MEGF6: variants seen among roughly 807,000 people sequenced by gnomAD.
MEGF6 encodes multiple epidermal growth factor-like domains protein 6.
A neutral mutation model predicts 207.1 loss-of-function variants in MEGF6; 184 were observed. That is an observed-to-expected ratio of 0.89 (90% confidence interval 0.79 to 1.00). The LOEUF (loss-of-function observed/expected upper bound fraction) is 1.00. Ranked by LOEUF, MEGF6 falls within the 50% of genes least tolerant of loss-of-function variation. The pLI is 0.00. For synonymous variants in MEGF6, 1,038 were observed against 910.0 expected, an observed-to-expected ratio of 1.14 and a Z score of -2.53; for missense variants, 2,282 against 2,202.9, an observed-to-expected ratio of 1.04 and a Z score of -0.72.
chr1:3,508,127 A>C (rs999820281), intron 13 of MEGF6, among the ~76,000 whole-genome samples: 1 of 152,030 alleles, frequency 6.6e-6, no homozygotes, highest in Non-Finnish European at 1.5e-5. Context: ...CAGAGAGAGG[A>C]GTCTCCTCCT....
At chr1:3,617,809 A>G in the MEGF6 span, among the ~76,000 whole-genome samples, 1 of 152,182 alleles carries the variant, frequency 6.6e-6, no homozygotes, top group Non-Finnish European at 1.5e-5. Flanking sequence ...AGCCACAGGG[A>G]GAGCGCAGCG....
intron 15 of MEGF6, 46 bp from the exon 16 acceptor site, chr1:3,505,602 C>T (rs1361266368): frequency 4.0e-6 from 6 of 1,492,936 alleles, no homozygotes; most frequent in South Asian, 3.9e-5. Context: ...TGAAGCCCCA[C>T]CCTCCCAGAC....
chr1:3,613,876 C>T (rs780373925), upstream of MEGF6, among the ~76,000 whole-genome samples: 8 of 150,418 alleles, frequency 5.3e-5, no homozygotes, highest in African/African-American at 1.2e-4. Flanking sequence ...CAGGCACTGC[C>T]GCTGTGCTCT....
chr1:3,544,024 C>CT (rs1175385597), intron 4 of MEGF6, among the ~76,000 whole-genome samples: 1 of 152,190 alleles, frequency 6.6e-6, no homozygotes. Context: ...CGGAGCCGCT[C>CT]TATCGCGGGA....
In MEGF6 at chr1:3,508,702, C is replaced by A; in HGVS notation, c.1529-13G>T. 1 of 1,612,272 alleles carries A rather than the reference C, an allele frequency of 6.2e-7. No homozygotes were observed. The highest frequency in any genetic ancestry group is 8.5e-7 in the Non-Finnish European group (1 of 1,179,462). The stretch of plus-strand genomic sequence containing the variant: ...TCATCCAGGCAGACTGGGGGCAGAC[C>A]AGGATGGGGGGATTCAGAGCCTGAC... On this transcript the variant is annotated splice_polypyrimidine_tract_variant and intron_variant, in intron 12 of 36. Transcript: ENST00000356575.
intron 1 of MEGF6, among the ~76,000 whole-genome samples, chr1:3,607,821 GC>G (rs769845769): frequency 2.0e-5 from 3 of 152,242 alleles, no homozygotes; most frequent in Non-Finnish European, 2.9e-5. Context: ...TGGGCCATCT[GC>G]TCCCGAGCAG....
chr1:3,592,787 G>T (rs543418574), intron 3 of MEGF6, among the ~76,000 whole-genome samples: 1 of 151,562 alleles, frequency 6.6e-6, no homozygotes, highest in East Asian at 2.0e-4. Context: ...GGGATTCCCC[G>T]GACCATGAAA....
intron 32 of MEGF6, 28 bp from the exon 33 acceptor site, chr1:3,494,152 A>T (rs1640498880): frequency 6.5e-7 from 1 of 1,532,450 alleles, no homozygotes; most frequent in African/African-American, 1.4e-5. Flanking sequence ...CCACGAGACA[A>T]GGGCACACGG....
chr1:3,542,646 C>T (rs768488026), intron 4 of MEGF6, among the ~76,000 whole-genome samples: 6 of 152,036 alleles, frequency 3.9e-5, no homozygotes, highest in South Asian at 2.1e-4. Flanking sequence ...CCGTGGGCCC[C>T]GAGCATTTTC....
rs1296369050 is a variant in MEGF6, at chr1:3,500,972, G to A, written c.2569C>T (p.Gln857Ter). Residue 857 changes from glutamine to a stop codon, truncating the protein, a stop_gained, in exon 20 of 37, where the codon CAG becomes TAG. Transcript: ENST00000356575. LOFTEE classifies it high-confidence loss of function. The part of the protein sequence containing the change: ...CAPGWTGFSC[Q>*]RACDTGHWGP... Reference sequence around the variant, plus strand: ...AAGCCAAGGGCCCCCGTACCTCTCTGGCAGCTAAAGCCGGTCCACCCGGGG... The same window carrying A: ...AAGCCAAGGGCCCCCGTACCTCTCTAGCAGCTAAAGCCGGTCCACCCGGGG... 1.2e-6 allele frequency: 2 copies of A among 1,611,740 alleles called. No individual in the cohort carries two copies. Among genetic ancestry groups the A allele is most frequent in the Admixed American group, 1.7e-5 (1 of 60,018 alleles).
rs1447201830 is a variant in MEGF6 at position 3,506,166 on chromosome 1, G to GTGGCACCGGCCCCGGT, written c.1844_1859dup (p.His620GlnfsTer51). ...CGCAGAGGCAGGCCCCGTAGAGGCGGTGGCACCGGCCCCGGTTGGCACAGT... is the reference window on the plus strand; with the variant it reads ...CGCAGAGGCAGGCCCCGTAGAGGCGGTGGCACCGGCCCCGGTTGGCACCGGCCCCGGTTGGCACAGT... On this transcript the variant is annotated frameshift_variant, in exon 15 of 37. Transcript: ENST00000356575. LOFTEE classifies it high-confidence loss of function. 2 of 1,596,444 alleles carry GTGGCACCGGCCCCGGT rather than the reference G, an allele frequency of 1.3e-6. No homozygotes were observed. The highest frequency in any genetic ancestry group is 1.7e-6 in the Non-Finnish European group (2 of 1,171,088).
At chr1:3,577,607 C>G (rs766648344) in intron 4 of MEGF6, among the ~76,000 whole-genome samples, 17 of 152,222 alleles carry the variant, frequency 1.1e-4, no homozygotes, top group Non-Finnish European at 2.2e-4. Context: ...CTCTGCGGTG[C>G]GTTCCCACGG....
chr1:3,597,338 C>T (rs11589004), intron 2 of MEGF6, among the ~76,000 whole-genome samples: 265 of 152,164 alleles, frequency 1.7e-3, no homozygotes, highest in African/African-American at 4.9e-3. Context: ...CGCCTGGGTC[C>T]TCACCCCTCC....
intron 5 of MEGF6, among the ~76,000 whole-genome samples, chr1:3,520,666 C>T (rs909989898): frequency 6.6e-5 from 10 of 152,166 alleles, no homozygotes; most frequent in African/African-American, 1.2e-4. Flanking sequence ...GGCTGGGGAA[C>T]GGGGACCCAC....
chr1:3,595,261 C>T (rs1015709647), intron 3 of MEGF6, 77 bp downstream of exon 3: 14 of 968,068 alleles, frequency 1.4e-5, no homozygotes, highest in South Asian at 2.8e-5. Context: ...CCACCAGGCC[C>T]GGGGCAGATT....
chr1:3,588,987 C>T (rs1209570429), intron 3 of MEGF6, among the ~76,000 whole-genome samples: 1 of 152,206 alleles, frequency 6.6e-6, no homozygotes, highest in Non-Finnish European at 1.5e-5. Flanking sequence ...ATATTCCTGC[C>T]TTCCTGTGAC....
chr1:3,497,207 C>T (rs759626875), intron 27 of MEGF6, 26 bp downstream of exon 27: 18 of 1,530,782 alleles, frequency 1.2e-5, no homozygotes, highest in Admixed American at 6.1e-5. Context: ...AGCCGCTCCT[C>T]GGGGTGGGGG....
intron 1 of MEGF6, among the ~76,000 whole-genome samples, chr1:3,608,622 C>A (rs568579341): frequency 6.6e-6 from 1 of 152,204 alleles, no homozygotes; most frequent in South Asian, 2.1e-4. Context: ...TCAGAGAGAA[C>A]CTGAGCCCCG....
chr1:3,544,213 G>A (rs1277660971), intron 4 of MEGF6, among the ~76,000 whole-genome samples: 2 of 149,208 alleles, frequency 1.3e-5, no homozygotes, highest in Non-Finnish European at 3.0e-5. Flanking sequence ...GCGTCGCAGC[G>A]GCATCAGGCT....
Sources: allele counts gnomAD v4.1 joint callset (sites outside exome capture counted in the v4.1 genomes callset), GRCh38; gene constraint gnomAD v4.1.1; transcripts MANE v1.5; gene names NCBI Gene and HGNC (gene_info 2026-07-23, HGNC 2026-07-21).